Variants in HIBCH observed in about 807,000 individuals in gnomAD.
The protein encoded by HIBCH is 3-hydroxyisobutyryl-CoA hydrolase.
A neutral mutation model predicts 58.2 loss-of-function variants in HIBCH; 50 were observed. That is an observed-to-expected ratio of 0.86 (90% CI 0.68 to 1.09). HIBCH has a LOEUF of 1.09. HIBCH is among the 50% of genes least tolerant of loss of function. The pLI is 0.00. For synonymous variants in HIBCH, 151 were observed against 146.9 expected (o/e 1.03, Z -0.20); for missense variants, 450 against 449.7 (o/e 1.00, Z -0.01).
At chr2:190,252,614 C>T (rs533280219) in intron 7 of HIBCH, among the ~76,000 whole-genome samples, 4 of 152,188 alleles carry the variant, frequency 2.6e-5, no homozygotes, top group African/African-American at 9.6e-5. Flanking sequence ...CACTGATCTA[C>T]TTTTGAAGAA....
intron 1 of HIBCH, chr2:190,190,143 T>C (rs1436907851): frequency 1.3e-5 from 2 of 152,252 alleles, no homozygotes; most frequent in Non-Finnish European, 1.5e-5. Flanking sequence ...TTTTAACATA[T>C]ACCTCATGTA....
chr2:190,319,603 C>A, intron 1 of HIBCH, 113 bp downstream of exon 1: 1 of 896,816 alleles, frequency 1.1e-6, no homozygotes. Flanking sequence ...CACAGCGGCG[C>A]CTCTGAGCGC....
chr2:190,297,261 A>G (rs1401920077), intron 2 of HIBCH, among the ~76,000 whole-genome samples: 1 of 152,226 alleles, frequency 6.6e-6, no homozygotes, highest in East Asian at 1.9e-4. Context: ...ACTACTGTAT[A>G]TCAAGTTCTA....
At chr2:190,313,632 ACT>A (rs1688615317) in intron 1 of HIBCH, among the ~76,000 whole-genome samples, 2 of 113,434 alleles carry the variant, frequency 1.8e-5, no homozygotes, top group African/African-American at 7.4e-5. Context: ...GTGACAAGAG[ACT>A]CTGTCTCACA....
intron 2 of HIBCH, among the ~76,000 whole-genome samples, chr2:190,302,534 T>G (rs1203068796): frequency 1.3e-5 from 2 of 151,368 alleles, no homozygotes; most frequent in Non-Finnish European, 2.9e-5. Flanking sequence ...GGTCAGTTGC[T>G]GTGTCAAAAC....
intron 1 of HIBCH, among the ~76,000 whole-genome samples, chr2:190,313,105 T>C (rs1261402514): frequency 6.6e-6 from 1 of 152,206 alleles, no homozygotes; most frequent in African/African-American, 2.4e-5. Flanking sequence ...CTGTTAGAAA[T>C]AATAATTTCT....
chr2:190,274,735 T>C (rs557805787), intron 6 of HIBCH, among the ~76,000 whole-genome samples: 53 of 152,310 alleles, frequency 3.5e-4, no homozygotes, highest in African/African-American at 1.1e-3. Flanking sequence ...CCAGCTTACA[T>C]AGCAACTTCA....
chr2:190,307,001 A>G (rs1688430070), intron 2 of HIBCH, among the ~76,000 whole-genome samples: 1 of 152,214 alleles, frequency 6.6e-6, no homozygotes, highest in African/African-American at 2.4e-5. Context: ...CCCAGCCTCC[A>G]GAACCATGAG....
intron 1 of HIBCH, among the ~76,000 whole-genome samples, chr2:190,191,780 T>A (rs1689720184): frequency 6.6e-6 from 1 of 152,258 alleles, no homozygotes. Flanking sequence ...GTGAACTGCC[T>A]AAATCTTTCA....
rs1688056223 is a variant in HIBCH, at chr2:190,294,585, C to T, written c.265G>A (p.Ala89Thr). Residue 89 changes from alanine to threonine, a missense_variant, in exon 4 of 14, where the codon GCA becomes ACA. Coordinates refer to ENST00000359678, the MANE Select transcript of HIBCH (RefSeq NM_014362.4). Reference sequence around the variant, plus strand: ...CCGGCACAGAAAGCCTTTCCTCCTGCTCCCTTTATAATGATCAGGAAAGTT... The same window carrying T: ...CCGGCACAGAAAGCCTTTCCTCCTGTTCCCTTTATAATGATCAGGAAAGTT... ...PETFLIIIKG[A>T]GGKAFCAGGD... is the part of the protein sequence containing the mutation. 3 of 1,612,794 alleles carry T rather than the reference C, an allele frequency of 1.9e-6. No homozygotes were observed. Among genetic ancestry groups the T allele is most frequent in the Non-Finnish European group, 2.5e-6 (3 of 1,179,678 alleles).
At chr2:190,247,016 T>A (rs1383371889) in intron 9 of HIBCH, among the ~76,000 whole-genome samples, 1 of 151,702 alleles carries the variant, frequency 6.6e-6, no homozygotes, top group South Asian at 2.1e-4. Context: ...TTTTTTTTTT[T>A]AAACCTGTGC....
At chr2:190,267,914 T>C (rs1248193197) in intron 6 of HIBCH, among the ~76,000 whole-genome samples, 1 of 152,212 alleles carries the variant, frequency 6.6e-6, no homozygotes, top group Non-Finnish European at 1.5e-5. Flanking sequence ...TCTGAAGTCC[T>C]GACTAGACTG....
chr2:190,199,037 C>A (rs7597985), downstream of HIBCH, among the ~76,000 whole-genome samples: 50,692 of 152,020 alleles, frequency 0.33, 9,393 homozygotes, highest in East Asian at 0.48. Context: ...ATTGTTTAGA[C>A]GTGGCACTAG....
At chr2:190,196,907 G>C (rs10188870) in intron 1 of HIBCH, among the ~76,000 whole-genome samples, 1 of 151,966 alleles carries the variant, frequency 6.6e-6, no homozygotes, top group Non-Finnish European at 1.5e-5. Flanking sequence ...GGAGTATTTA[G>C]AAGACTGGGT....
At chr2:190,264,573 C>T (rs1687178925) in intron 6 of HIBCH, among the ~76,000 whole-genome samples, 2 of 152,138 alleles carry the variant, frequency 1.3e-5, no homozygotes, top group South Asian at 4.1e-4. Flanking sequence ...TATCTTACTT[C>T]TTTCAGTCAA....
At chr2:190,264,684 T>C (rs1276500242) in intron 6 of HIBCH, among the ~76,000 whole-genome samples, 1 of 152,214 alleles carries the variant, frequency 6.6e-6, no homozygotes, top group Non-Finnish European at 1.5e-5. Context: ...TCCATTCTAA[T>C]ATAAATGGCT....
intron 13 of HIBCH, among the ~76,000 whole-genome samples, chr2:190,208,239 A>G (rs1046297931): frequency 6.6e-6 from 1 of 152,226 alleles, no homozygotes; most frequent in Admixed American, 6.5e-5. Context: ...AGGTACAGGC[A>G]AGAAGGTGGA....
intron 6 of HIBCH, among the ~76,000 whole-genome samples, chr2:190,286,416 CA>C (rs1262350856): frequency 6.6e-6 from 1 of 152,146 alleles, no homozygotes; most frequent in Non-Finnish European, 1.5e-5. Context: ...TTTGATTAAA[CA>C]AATTTGTTAT....
At chr2:190,250,342 T>TC (rs1277837027) in intron 8 of HIBCH, 18 of 464,806 alleles carry the variant, frequency 3.9e-5, no homozygotes, top group Non-Finnish European at 6.2e-5. Flanking sequence ...TTCAATTCTT[T>TC]GAGTATTTTC....
Sources: allele counts gnomAD v4.1 joint callset (sites outside exome capture counted in the v4.1 genomes callset), GRCh38; gene constraint gnomAD v4.1.1; transcripts MANE v1.5; gene names NCBI Gene and HGNC (gene_info 2026-07-23, HGNC 2026-07-21).